Variants in FGF14 observed in about 807,000 individuals in gnomAD.
The protein encoded by FGF14 is fibroblast growth factor 14, also known as fibroblast growth factor homologous factor 4.
Under a neutral mutation model 25.5 loss-of-function variants are expected in FGF14, and 5 were observed. The ratio of observed to expected loss-of-function variants is 0.20; its 90% CI spans 0.10 to 0.41. The LOEUF is 0.41. Among genes scored for constraint, FGF14 ranks in the 10% least tolerant of loss-of-function variants. FGF14 has a pLI of 1.00. For missense variants in FGF14, 222 were observed against 320.1 expected (o/e 0.69, Z 2.34); for synonymous variants, 138 against 118.3 (o/e 1.17, Z -1.08).
At chr13:102,060,782 C>G (rs1344467568) in intron 1 of FGF14, among the ~76,000 whole-genome samples, 1 of 152,116 alleles carries the variant, frequency 6.6e-6, no homozygotes, top group African/African-American at 2.4e-5. Context: ...GCCCATGGAC[C>G]TAAGTGAGGA....
At chr13:102,316,085 G>T (rs2056006580) in intron 1 of FGF14, among the ~76,000 whole-genome samples, 1 of 152,194 alleles carries the variant, frequency 6.6e-6, no homozygotes, top group Non-Finnish European at 1.5e-5. Context: ...GGAGGCAAGG[G>T]TCTAAACTAG....
At chr13:102,255,531 T>C (rs932779320) in intron 1 of FGF14, among the ~76,000 whole-genome samples, 1 of 152,176 alleles carries the variant, frequency 6.6e-6, no homozygotes, top group African/African-American at 2.4e-5. Context: ...GTACAATCAG[T>C]TGTCTTATTA....
upstream of FGF14, among the ~76,000 whole-genome samples, chr13:101,921,634 A>G (rs901631574): frequency 1.2e-4 from 19 of 152,336 alleles, no homozygotes; most frequent in African/African-American, 4.3e-4. Context: ...AGTAACTACG[A>G]AATCCCATAC....
intron 3 of FGF14, among the ~76,000 whole-genome samples, chr13:101,812,631 ATATATATATATATATATATATATTTTT>A (rs2041597537): frequency 4.4e-4 from 4 of 8,994 alleles, no homozygotes; most frequent in African/African-American, 1.4e-3. Flanking sequence ...ATATATATAT[ATATATATATATATATATATATATTTTT>A]TTTTTTTTTT....
intron 3 of FGF14, among the ~76,000 whole-genome samples, chr13:101,768,244 A>C (rs1236390548): frequency 6.6e-6 from 1 of 152,182 alleles, no homozygotes; most frequent in Non-Finnish European, 1.5e-5. Flanking sequence ...AATATGTTTA[A>C]AAGTACATTT....
At chr13:102,132,493 G>A (rs1005615177) in intron 1 of FGF14, among the ~76,000 whole-genome samples, 1 of 148,550 alleles carries the variant, frequency 6.7e-6, no homozygotes, top group African/African-American at 2.5e-5. Flanking sequence ...CTCTTAAAAG[G>A]CATACTTTTC....
chr13:101,808,839 T>G (rs544619951), intron 3 of FGF14, among the ~76,000 whole-genome samples: 1 of 152,266 alleles, frequency 6.6e-6, no homozygotes, highest in Admixed American at 6.5e-5. Flanking sequence ...TTTGAAATAC[T>G]TTACTATTAA....
chr13:102,339,693 A>C (rs1438598675), intron 1 of FGF14, among the ~76,000 whole-genome samples: 4 of 152,204 alleles, frequency 2.6e-5, no homozygotes, highest in African/African-American at 9.6e-5. Context: ...TATCAATCCA[A>C]AAGGAGGATA....
chr13:102,151,408 T>C (rs1400627719), intron 1 of FGF14, among the ~76,000 whole-genome samples: 1 of 152,168 alleles, frequency 6.6e-6, no homozygotes, highest in Admixed American at 6.5e-5. Flanking sequence ...TTACGCCTTA[T>C]TTTAAAAGCC....
At chr13:102,188,082 C>T (rs1414374443) in intron 1 of FGF14, among the ~76,000 whole-genome samples, 1 of 152,092 alleles carries the variant, frequency 6.6e-6, no homozygotes, top group Admixed American at 6.6e-5. Flanking sequence ...TTTCTCTTTA[C>T]AGCAATTGTG....
At chr13:102,122,043 G>A (rs535504785) in intron 1 of FGF14, among the ~76,000 whole-genome samples, 33 of 152,274 alleles carry the variant, frequency 2.2e-4, no homozygotes, top group African/African-American at 7.9e-4. Flanking sequence ...TATTGTTTGT[G>A]ATTACACAAA....
intron 1 of FGF14, among the ~76,000 whole-genome samples, chr13:102,196,956 G>GTTTTTTTTTTT (rs147361349): frequency 6.8e-6 from 1 of 146,994 alleles, no homozygotes; most frequent in Non-Finnish European, 1.5e-5. Context: ...TTGTTTTTTT[G>GTTTTTTTTTTT]GTTTTTTTTT....
At chr13:102,199,749 T>C (rs1326639239) in intron 1 of FGF14, among the ~76,000 whole-genome samples, 1 of 152,138 alleles carries the variant, frequency 6.6e-6, no homozygotes, top group African/African-American at 2.4e-5. Flanking sequence ...AATCCAATCC[T>C]TCAGAAAAAT....
At chr13:102,131,988 T>A (rs992297560) in intron 1 of FGF14, among the ~76,000 whole-genome samples, 1 of 152,230 alleles carries the variant, frequency 6.6e-6, no homozygotes, top group Non-Finnish European at 1.5e-5. Flanking sequence ...TGGATCAGAT[T>A]GGAAGGACTT....
chr13:101,808,009 C>G (rs2140166489), intron 3 of FGF14, among the ~76,000 whole-genome samples: 1 of 152,028 alleles, frequency 6.6e-6, no homozygotes, highest in Admixed American at 6.6e-5. Flanking sequence ...AAGGTTGGAG[C>G]AGTTGAAGAG....
At chr13:101,848,941 T>A (rs1428566243) in intron 3 of FGF14, among the ~76,000 whole-genome samples, 1 of 152,078 alleles carries the variant, frequency 6.6e-6, no homozygotes, top group Non-Finnish European at 1.5e-5. Context: ...CCTGAAAAAA[T>A]TAAAATGTTG....
intron 1 of FGF14, among the ~76,000 whole-genome samples, chr13:102,205,929 A>ACC (rs2049890584): frequency 1.4e-5 from 2 of 138,368 alleles, no homozygotes; most frequent in Non-Finnish European, 3.1e-5. Context: ...GGTGACGTGG[A>ACC]CCAGTCACTG....
chr13:102,335,932 G>T (rs1287151788), intron 1 of FGF14, among the ~76,000 whole-genome samples: 1 of 152,128 alleles, frequency 6.6e-6, no homozygotes, highest in African/African-American at 2.4e-5. Context: ...GTAAGACCGT[G>T]AACTTCATTG....
chr13:101,913,784 A>G (rs922326644), intron 1 of FGF14, among the ~76,000 whole-genome samples: 10 of 151,848 alleles, frequency 6.6e-5, no homozygotes, highest in African/African-American at 2.4e-4. Flanking sequence ...TGACTACTTT[A>G]TCTAATTAGA....
Sources: allele counts gnomAD v4.1 joint callset (sites outside exome capture counted in the v4.1 genomes callset), GRCh38; gene constraint gnomAD v4.1.1; transcripts MANE v1.5; gene names NCBI Gene and HGNC (gene_info 2026-07-23, HGNC 2026-07-21).